INPP4B: variants seen among roughly 807,000 people sequenced by gnomAD.
The protein encoded by INPP4B is inositol polyphosphate 4-phosphatase type II.
A neutral mutation model predicts 122.5 loss-of-function variants in INPP4B; 55 were observed. The observed-to-expected ratio is 0.45, with a 90% CI of 0.36 to 0.56. INPP4B has a LOEUF of 0.56. Among genes scored for constraint, INPP4B ranks in the 20% least tolerant of loss-of-function variants. INPP4B has a pLI of 0.00. For synonymous variants in INPP4B, 403 were observed against 388.7 expected (o/e 1.04, Z -0.43); for missense variants, 1,000 against 1,097.7 (o/e 0.91, Z 1.26).
intron 2 of INPP4B, among the ~76,000 whole-genome samples, chr4:142,646,240 C>T (rs1019521327): frequency 6.6e-6 from 1 of 152,000 alleles, no homozygotes; most frequent in African/African-American, 2.4e-5. Context: ...AAATTTTAAA[C>T]ATCAACACAA....
At chr4:142,033,234 T>C (rs1272837409) in intron 25 of INPP4B, among the ~76,000 whole-genome samples, 1 of 152,166 alleles carries the variant, frequency 6.6e-6, no homozygotes, top group Non-Finnish European at 1.5e-5. Context: ...GGAAGGCTGG[T>C]CCATAAACTT....
At chr4:142,078,498 C>T (rs907172693) in intron 25 of INPP4B, among the ~76,000 whole-genome samples, 1 of 151,912 alleles carries the variant, frequency 6.6e-6, no homozygotes, top group Non-Finnish European at 1.5e-5. Flanking sequence ...AAAATATATA[C>T]TATGTTCACT....
At chr4:142,454,480 C>A (rs1383075257) in intron 3 of INPP4B, among the ~76,000 whole-genome samples, 1 of 152,060 alleles carries the variant, frequency 6.6e-6, no homozygotes, top group African/African-American at 2.4e-5. Flanking sequence ...ATTCCCTTCT[C>A]TAGGCAAGTT....
intron 12 of INPP4B, among the ~76,000 whole-genome samples, chr4:142,215,812 G>A (rs1367027543): frequency 6.9e-6 from 1 of 145,758 alleles, no homozygotes; most frequent in Admixed American, 7.1e-5. Context: ...AGAATGGTGT[G>A]AACCCAGGAG....
chr4:142,587,383 CCTTTTATAAAT>C (rs1736451934), intron 2 of INPP4B, among the ~76,000 whole-genome samples: 1 of 151,544 alleles, frequency 6.6e-6, no homozygotes, highest in Admixed American at 6.6e-5. Flanking sequence ...AAAAGAATGC[CCTTTTATAAAT>C]GGGTTTTACT....
intron 23 of INPP4B, among the ~76,000 whole-genome samples, chr4:142,106,746 G>A (rs925001467): frequency 1.3e-5 from 2 of 152,030 alleles, no homozygotes; most frequent in Admixed American, 6.6e-5. Context: ...ACACAGACTC[G>A]GGGAGAGTTT....
At chr4:142,512,173 C>T (rs560299431) in intron 2 of INPP4B, among the ~76,000 whole-genome samples, 43 of 152,220 alleles carry the variant, frequency 2.8e-4, no homozygotes, top group African/African-American at 9.4e-4. Flanking sequence ...AAAATAACTT[C>T]AGTCTTCATA....
chr4:142,213,139 C>T (rs77220707), intron 12 of INPP4B, among the ~76,000 whole-genome samples: 5,229 of 152,174 alleles, frequency 0.034, 292 homozygotes, highest in African/African-American at 0.12. Context: ...CTTAGGCTAT[C>T]GGATGTGGAT....
At chr4:142,246,122 A>ATG (rs1298067399) in intron 11 of INPP4B, among the ~76,000 whole-genome samples, 2 of 140,106 alleles carry the variant, frequency 1.4e-5, no homozygotes, top group Non-Finnish European at 3.0e-5. Flanking sequence ...ATATATGTGT[A>ATG]TGTATACACA....
intron 2 of INPP4B, among the ~76,000 whole-genome samples, chr4:142,692,084 C>A (rs1031808751): frequency 3.3e-5 from 5 of 151,698 alleles, no homozygotes; most frequent in Non-Finnish European, 7.4e-5. Flanking sequence ...TTTCAGAAGC[C>A]GCAGATGGCA....
chr4:142,654,008 G>A (rs1214584665), intron 2 of INPP4B, among the ~76,000 whole-genome samples: 1 of 152,050 alleles, frequency 6.6e-6, no homozygotes, highest in East Asian at 1.9e-4. Flanking sequence ...AAGAAAATGT[G>A]GCACATATAC....
chr4:142,023,506 T>C lies in INPP4B; in HGVS notation c.*5276A>G, dbSNP rs2152237408. 1 of 152,312 alleles carries C rather than the reference T, an allele frequency of 6.6e-6. No individual in the cohort carries two copies. The highest frequency in any genetic ancestry group is 2.4e-5 in the African/African-American group (1 of 41,578). The allele number at this position is 152,312 out of a possible 1,614,324, so 9.4% of individuals were successfully genotyped here. A position where few individuals can be genotyped will look rare whatever the true frequency, so the allele number is the denominator to read the frequency against. ...GTGCCCATACAGTTATATGCAAACT[T>C]TTGAAAGTTTCATAGTTGTTTAACA... On this transcript the variant is annotated 3_prime_UTR_variant, in exon 26 of 26. Coordinates refer to ENST00000262992, the MANE Select transcript of INPP4B (RefSeq NM_001101669.3).
chr4:142,148,929 A>C (rs1812264939), intron 17 of INPP4B, among the ~76,000 whole-genome samples: 1 of 152,234 alleles, frequency 6.6e-6, no homozygotes, highest in African/African-American at 2.4e-5. Context: ...TGTTACTAAT[A>C]CATAATTTAT....
chr4:142,528,658 T>A (rs1344862372), intron 2 of INPP4B, among the ~76,000 whole-genome samples: 1 of 152,088 alleles, frequency 6.6e-6, no homozygotes, highest in Non-Finnish European at 1.5e-5. Context: ...TTACACAAGA[T>A]CATGAACCAG....
intron 2 of INPP4B, among the ~76,000 whole-genome samples, chr4:142,720,443 T>TC (rs1764373962): frequency 6.6e-6 from 1 of 151,990 alleles, no homozygotes; most frequent in Non-Finnish European, 1.5e-5. Flanking sequence ...GTTTCCTCTT[T>TC]CCCAATGTAC....
At chr4:142,805,856 T>C (rs1012639195) in intron 1 of INPP4B, among the ~76,000 whole-genome samples, 1 of 152,170 alleles carries the variant, frequency 6.6e-6, no homozygotes, top group Non-Finnish European at 1.5e-5. Context: ...ATTTATACAT[T>C]CATTTTCAAC....
intron 1 of INPP4B, among the ~76,000 whole-genome samples, chr4:142,742,169 C>T (rs1472151802): frequency 2.6e-5 from 4 of 151,864 alleles, no homozygotes; most frequent in Non-Finnish European, 5.9e-5. Flanking sequence ...GTCCTCCTAT[C>T]ACTGGAAATG....
intron 2 of INPP4B, among the ~76,000 whole-genome samples, chr4:142,673,565 G>A (rs1757296713): frequency 1.3e-5 from 2 of 152,088 alleles, no homozygotes; most frequent in Admixed American, 6.6e-5. Flanking sequence ...AAATACACAA[G>A]TGCAGTAGTG....
chr4:142,074,444 C>T (rs901090994), intron 25 of INPP4B, among the ~76,000 whole-genome samples: 11 of 152,112 alleles, frequency 7.2e-5, no homozygotes, highest in Non-Finnish European at 1.5e-4. Context: ...AACACATGTG[C>T]ATGCCTTGTG....
Sources: gnomAD v4.1 joint callset for allele counts (sites outside exome capture counted in the v4.1 genomes callset) on GRCh38, gnomAD v4.1.1 for gene constraint, MANE v1.5 for transcripts, NCBI Gene and HGNC (gene_info 2026-07-23, HGNC 2026-07-21) for gene names.